TNR: variants seen among roughly 807,000 people sequenced by gnomAD.
TNR encodes tenascin-R.
TNR carries 45 observed loss-of-function variants against 150.4 expected under a neutral mutation model. The ratio of observed to expected loss-of-function variants is 0.30; its 90% CI spans 0.24 to 0.38. TNR has a LOEUF of 0.38. Ranked by LOEUF, TNR falls within the 10% of genes least tolerant of loss-of-function variation. TNR has a pLI of 1.00. For synonymous variants in TNR, 687 were observed against 678.4 expected (o/e 1.01, Z -0.20); for missense variants, 1,544 against 1,759.1 (o/e 0.88, Z 2.19).
At chr1:175,463,786 C>T (rs1013329826) in intron 2 of TNR, among the ~76,000 whole-genome samples, 1 of 152,220 alleles carries the variant, frequency 6.6e-6, no homozygotes, top group East Asian at 1.9e-4. Flanking sequence ...AGAGTAGGAA[C>T]AAGCTAAACT....
At chr1:175,686,485 C>CGTATT (rs1202507703) in intron 1 of TNR, among the ~76,000 whole-genome samples, 1 of 152,136 alleles carries the variant, frequency 6.6e-6, no homozygotes, top group Non-Finnish European at 1.5e-5. Context: ...ATTAGGGATT[C>CGTATT]TTATTTTATT....
At chr1:175,382,064 G>T (rs1042423174) in intron 8 of TNR, among the ~76,000 whole-genome samples, 1 of 152,142 alleles carries the variant, frequency 6.6e-6, no homozygotes, top group Non-Finnish European at 1.5e-5. Context: ...TTTTCAAACC[G>T]CTTGATCCAA....
At chr1:175,586,824 T>C (rs1258871919) in intron 1 of TNR, among the ~76,000 whole-genome samples, 9 of 152,178 alleles carry the variant, frequency 5.9e-5, no homozygotes, top group Non-Finnish European at 1.0e-4. Flanking sequence ...ATAAATCTTA[T>C]GGCTGAAACA....
At chr1:175,417,062 A>AGAAAGAAAGAAAGAAAGAAAGAAG (rs1491225393) in intron 2 of TNR, among the ~76,000 whole-genome samples, 1 of 132,522 alleles carries the variant, frequency 7.5e-6, no homozygotes, top group African/African-American at 2.8e-5. Flanking sequence ...AAAGAAAGAA[A>AGAAAGAAAGAAAGAAAGAAAGAAG]GAAAGAAAGA....
In TNR at chr1:175,718,620, T is replaced by C. The variant is rs1667220592; in HGVS notation, c.-165+24606A>G. ...GACTTTTATCTCCCCTCGATGGGTC[T>C]GGTAATATTCTCATTCCATCCTAAA... On this transcript the variant is annotated intron_variant, in intron 1 of 22. Transcript: ENST00000367674. Among the ~76,000 whole-genome samples, 3 of 152,198 alleles carry C rather than the reference T, an allele frequency of 2.0e-5. No individual in the cohort carries two copies. In the South Asian group the frequency reaches 6.2e-4, roughly 32 times the overall value.
At chr1:175,465,247 A>G (rs1352420729) in intron 2 of TNR, among the ~76,000 whole-genome samples, 1 of 152,174 alleles carries the variant, frequency 6.6e-6, no homozygotes, top group Non-Finnish European at 1.5e-5. Flanking sequence ...TAGTTTCCTT[A>G]TCTATCAAAT....
At chr1:175,605,809 A>C (rs1226074578) in intron 1 of TNR, among the ~76,000 whole-genome samples, 1 of 152,162 alleles carries the variant, frequency 6.6e-6, no homozygotes, top group Non-Finnish European at 1.5e-5. Flanking sequence ...CAAGCATGAC[A>C]GCTTTCTCAT....
chr1:175,698,009 A>C (rs1285645096), intron 1 of TNR, among the ~76,000 whole-genome samples: 1 of 152,170 alleles, frequency 6.6e-6, no homozygotes, highest in Non-Finnish European at 1.5e-5. Context: ...TCTCCACTAA[A>C]ATATTTCCCC....
At chr1:175,567,845 G>T (rs936121740) in intron 1 of TNR, among the ~76,000 whole-genome samples, 11 of 152,040 alleles carry the variant, frequency 7.2e-5, no homozygotes, top group African/African-American at 2.4e-4. Context: ...CGTTCTTAAT[G>T]AGCTTCTGCC....
chr1:175,689,296 A>G (rs1413643608), intron 1 of TNR, among the ~76,000 whole-genome samples: 5 of 152,144 alleles, frequency 3.3e-5, no homozygotes, highest in Non-Finnish European at 7.3e-5. Flanking sequence ...CCTGCTTGCT[A>G]AAACATGTCA....
At chr1:175,531,886 G>C (rs1425959142) in intron 1 of TNR, among the ~76,000 whole-genome samples, 2 of 152,240 alleles carry the variant, frequency 1.3e-5, no homozygotes, top group Non-Finnish European at 2.9e-5. Context: ...CCCTGCCCCT[G>C]ACTGCCTAGG....
chr1:175,340,132 T>A (rs1191841633), intron 18 of TNR, among the ~76,000 whole-genome samples: 1 of 152,014 alleles, frequency 6.6e-6, no homozygotes, highest in African/African-American at 2.4e-5. Flanking sequence ...TGCCAAACAC[T>A]GGATGGGATA....
At chr1:175,706,607 A>C (rs1196197775) in intron 1 of TNR, among the ~76,000 whole-genome samples, 1 of 152,150 alleles carries the variant, frequency 6.6e-6, no homozygotes, top group African/African-American at 2.4e-5. Flanking sequence ...AAAACAGGAT[A>C]GAAACATACC....
intron 1 of TNR, among the ~76,000 whole-genome samples, chr1:175,602,203 CAAA>C (rs57341654): frequency 9.8e-5 from 3 of 30,562 alleles, no homozygotes; most frequent in African/African-American, 1.9e-4. Flanking sequence ...GGACCAAAGG[CAAA>C]AAAAAAAAAA....
At chr1:175,462,193 G>T (rs1321034270) in intron 2 of TNR, among the ~76,000 whole-genome samples, 3 of 152,146 alleles carry the variant, frequency 2.0e-5, no homozygotes, top group Non-Finnish European at 4.4e-5. Flanking sequence ...TCTAAATTAG[G>T]TTGCATGGAT....
chr1:175,712,034 A>G (rs1177110956), intron 1 of TNR, among the ~76,000 whole-genome samples: 1 of 152,164 alleles, frequency 6.6e-6, no homozygotes, highest in South Asian at 2.1e-4. Context: ...ACTTTCCTCT[A>G]TAATAACAAT....
Position 175,365,956 on chromosome 1 carries a change from G to A in TNR, c.2236C>T (p.Pro746Ser). 6.2e-7 allele frequency: 1 copy of A among 1,614,130 alleles called. No individual in the cohort carries two copies. The highest frequency in any genetic ancestry group is 1.1e-5 in the South Asian group (1 of 91,062). Residue 746 changes from proline (P) to serine (S), a missense_variant, in exon 11 of 23, where the codon CCT (proline) becomes TCT (serine). Pro to Ser is a moderately conservative substitution (Grantham distance 74, BLOSUM62 -1). This residue lies in a region of TNR where 1,254 missense variants were observed against 1,329.4 expected (regional missense o/e 0.94). Coordinates refer to ENST00000367674, the MANE Select transcript of TNR (RefSeq NM_003285.3). The stretch of plus-strand genomic sequence containing the variant: ...ACGGAAATGATGTACTCTGCCCCAG[G>A]CTCTAGATCTGTTAGTGTGTATGAG... ...RTSYTLTDLE[P>S]GAEYIISVTA...
chr1:175,668,547 C>T (rs1487168706), intron 1 of TNR, among the ~76,000 whole-genome samples: 3 of 152,122 alleles, frequency 2.0e-5, no homozygotes, highest in Non-Finnish European at 2.9e-5. Context: ...GATGCAAGTG[C>T]CCTGAGACTG....
chr1:175,530,439 C>T (rs1367549858), intron 1 of TNR, among the ~76,000 whole-genome samples: 1 of 152,228 alleles, frequency 6.6e-6, no homozygotes, highest in African/African-American at 2.4e-5. Flanking sequence ...CAGCTGTGAG[C>T]TGTCAGCAGC....
Sources: allele counts gnomAD v4.1 joint callset (sites outside exome capture counted in the v4.1 genomes callset), GRCh38; gene constraint gnomAD v4.1.1; regional missense constraint gnomAD v4.1.1; transcripts MANE v1.5; gene names NCBI Gene and HGNC (gene_info 2026-07-23, HGNC 2026-07-21).